IL1RAPL1: variants seen among roughly 807,000 people sequenced by gnomAD.
The protein encoded by IL1RAPL1 is interleukin 1 receptor accessory protein like 1.
In IL1RAPL1, 3 loss-of-function variants were observed where a neutral mutation model predicts 48.4. The ratio of observed to expected loss-of-function variants is 0.06; its 90% CI spans 0.03 to 0.16. IL1RAPL1 has a LOEUF of 0.16. IL1RAPL1 is among the 10% of genes least tolerant of loss of function. IL1RAPL1 has a pLI of 1.00. For missense variants in IL1RAPL1, 349 were observed against 530.6 expected (o/e 0.66, Z 3.36); for synonymous variants, 185 against 187.7 (o/e 0.99, Z 0.12).
intron 5 of IL1RAPL1, among the ~76,000 whole-genome samples, chrX:29,581,850 GT>G (rs1323470279): frequency 9.0e-6 from 1 of 111,578 alleles, no homozygotes; most frequent in East Asian, 2.8e-4. Context: ...GCACAGCCAA[GT>G]TTACTAGATC....
intron 5 of IL1RAPL1, among the ~76,000 whole-genome samples, chrX:29,506,432 T>TCTCCCCCTCCTC (rs1556025722): frequency 5.6e-4 from 12 of 21,539 alleles, no homozygotes; most frequent in African/African-American, 1.6e-3. Context: ...TTCTTCTCCT[T>TCTCCCCCTCCTC]CTCCTTCTCC....
At chrX:29,654,743 A>T (rs921328434) in intron 5 of IL1RAPL1, among the ~76,000 whole-genome samples, 2 of 111,730 alleles carry the variant, frequency 1.8e-5, no homozygotes, top group African/African-American at 6.5e-5. Context: ...GACACAGATC[A>T]CCAATGAAAT....
intron 2 of IL1RAPL1, among the ~76,000 whole-genome samples, chrX:29,178,056 G>A (rs781239007): frequency 1.2e-3 from 138 of 111,657 alleles, no homozygotes; most frequent in African/African-American, 4.1e-3. Context: ...ATAAACGTAC[G>A]TGTGCATGTG....
chrX:28,816,318 G>A, intron 2 of IL1RAPL1, among the ~76,000 whole-genome samples: 1 of 109,894 alleles, frequency 9.1e-6, no homozygotes, highest in East Asian at 2.9e-4. Context: ...TGATGCTAAG[G>A]TGTGGGGTAC....
intron 2 of IL1RAPL1, among the ~76,000 whole-genome samples, chrX:29,241,643 A>T (rs1452712778): frequency 8.9e-6 from 1 of 111,875 alleles, no homozygotes; most frequent in East Asian, 2.8e-4. Context: ...AATCGCTGAG[A>T]GCTAAAAAGG....
chrX:29,879,725 C>T (rs1234723935), intron 6 of IL1RAPL1, among the ~76,000 whole-genome samples: 4 of 109,941 alleles, frequency 3.6e-5, no homozygotes, highest in African/African-American at 3.3e-5. Context: ...TTTCTAAAAA[C>T]GCTCATTTTC....
At chrX:28,784,252 C>T (rs776543493) in intron 1 of IL1RAPL1, among the ~76,000 whole-genome samples, 219 of 111,781 alleles carry the variant, frequency 2.0e-3, no homozygotes, top group Non-Finnish European at 3.5e-3. Flanking sequence ...ATACTTTATC[C>T]GTGTCAGGCA....
rs750561301 is a variant in IL1RAPL1, at chrX:29,258,627, C to T, written c.83-24311C>T. On this transcript the variant is annotated intron_variant, in intron 2 of 10. Transcript: ENST00000378993. The stretch of plus-strand genomic sequence containing the variant: ...TTTTTTTTTAGAAATTAAGTTGCTC[C>T]GAAATGTATGCACCCTGTTTCCAAT... Among the ~76,000 whole-genome samples the T allele has an allele frequency of 1.0e-4, 11 of 109,838 alleles. No homozygotes were observed. The East Asian group carries it at 1.7e-3, about 17-fold the overall frequency.
chrX:29,649,990 A>G (rs748752517), intron 5 of IL1RAPL1, among the ~76,000 whole-genome samples: 3 of 111,819 alleles, frequency 2.7e-5, no homozygotes, highest in Admixed American at 9.5e-5. Context: ...AAGAAATATT[A>G]TTTTAAAATC....
chrX:28,878,153 TA>T (rs1922419617), intron 2 of IL1RAPL1, among the ~76,000 whole-genome samples: 1 of 111,917 alleles, frequency 8.9e-6, no homozygotes, highest in African/African-American at 3.2e-5. Context: ...CAAAGTCAGA[TA>T]AAAATCTTTT....
At chrX:29,161,832 T>C (rs952244570) in intron 2 of IL1RAPL1, among the ~76,000 whole-genome samples, 3 of 112,091 alleles carry the variant, frequency 2.7e-5, no homozygotes, top group African/African-American at 9.7e-5. Context: ...AGAAATACCA[T>C]TTGACACAGC....
chrX:29,187,777 C>G (rs758319038), intron 2 of IL1RAPL1, among the ~76,000 whole-genome samples: 1 of 111,515 alleles, frequency 9.0e-6, no homozygotes, highest in African/African-American at 3.3e-5. Context: ...CCCCTTACTC[C>G]CCTATCCTCA....
chrX:29,423,444 G>C (rs144932342), intron 5 of IL1RAPL1, among the ~76,000 whole-genome samples: 1,441 of 112,280 alleles, frequency 0.013, 19 homozygotes, highest in African/African-American at 0.045. Flanking sequence ...AATTGATTGA[G>C]ACTTGTCTCA....
chrX:28,815,870 T>A (rs1181864081), intron 2 of IL1RAPL1, among the ~76,000 whole-genome samples: 1 of 76,120 alleles, frequency 1.3e-5, no homozygotes, highest in Admixed American at 1.6e-4. Context: ...TATATATATA[T>A]ATATATATAT....
chrX:29,294,262 T>C (rs183341603), intron 3 of IL1RAPL1, among the ~76,000 whole-genome samples: 124 of 110,670 alleles, frequency 1.1e-3, no homozygotes, highest in Middle Eastern at 4.6e-3. Context: ...AAACTTTTTC[T>C]ATAAAGAGTA....
rs769259253 is a variant in IL1RAPL1, at chrX:29,865,070, G to T, written c.779-52394G>T. 4.5e-5 allele frequency among the ~76,000 whole-genome samples: 5 copies of T among 112,032 alleles called. No individual in the cohort carries two copies. The South Asian group carries it at 1.9e-3, about 42-fold the overall frequency. Reference sequence around the variant, plus strand: ...TTTCAAAGGATTTCATGCATCCAGTGTTATTCAAAAACACTTGCGAAAATG... The same window carrying T: ...TTTCAAAGGATTTCATGCATCCAGTTTTATTCAAAAACACTTGCGAAAATG... On this transcript the variant is annotated intron_variant, in intron 6 of 10. Coordinates refer to ENST00000378993, the MANE Select transcript of IL1RAPL1 (RefSeq NM_014271.4).
chrX:29,699,798 T>C (rs944730139), intron 6 of IL1RAPL1, among the ~76,000 whole-genome samples: 3 of 112,497 alleles, frequency 2.7e-5, no homozygotes, highest in Non-Finnish European at 5.6e-5. Flanking sequence ...TGGCTACTTC[T>C]AGACTGGCCT....
intron 2 of IL1RAPL1, among the ~76,000 whole-genome samples, chrX:28,922,822 A>G (rs1462682867): frequency 8.9e-6 from 1 of 112,355 alleles, no homozygotes; most frequent in African/African-American, 3.2e-5. Flanking sequence ...CAGTACTTGG[A>G]AAGTTTATTC....
At chrX:29,909,447 CA>C (rs1288064774) in intron 6 of IL1RAPL1, among the ~76,000 whole-genome samples, 2 of 110,591 alleles carry the variant, frequency 1.8e-5, no homozygotes, top group Non-Finnish European at 3.8e-5. Flanking sequence ...AACAAACAAA[CA>C]AAAAACTGAA....
Sources: gnomAD v4.1 joint callset for allele counts (sites outside exome capture counted in the v4.1 genomes callset) on GRCh38, gnomAD v4.1.1 for gene constraint, MANE v1.5 for transcripts, NCBI Gene and HGNC (gene_info 2026-07-23, HGNC 2026-07-21) for gene names.